The following SPTB variants were observed in gnomAD, a reference collection of about 807,000 sequenced individuals.
The protein encoded by SPTB is spectrin beta, erythrocytic.
Under a neutral mutation model 256.2 loss-of-function variants are expected in SPTB, and 45 were observed. The observed-to-expected ratio is 0.18, with a 90% CI of 0.14 to 0.23. The LOEUF (loss-of-function observed/expected upper bound fraction) is 0.23, where lower values mean the gene tolerates loss of function less well. Ranked by LOEUF, SPTB falls within the 10% of genes least tolerant of loss-of-function variation. The pLI is 1.00. For synonymous variants in SPTB, 1,231 were observed against 1,243.1 expected (o/e 0.99, Z 0.21); for missense variants, 2,715 against 3,040.4 (o/e 0.89, Z 2.52).
At chr14:64,851,012 A>G (rs1240588593) in intron 1 of SPTB, among the ~76,000 whole-genome samples, 1 of 152,170 alleles carries the variant, frequency 6.6e-6, no homozygotes, top group African/African-American at 2.4e-5. Flanking sequence ...ACCTGACACA[A>G]CTTCCCAGGT....
intron 1 of SPTB, among the ~76,000 whole-genome samples, chr14:64,877,545 A>G (rs1469715159): frequency 6.6e-6 from 1 of 152,200 alleles, no homozygotes; most frequent in Non-Finnish European, 1.5e-5. Context: ...GATATGAGCT[A>G]CCTTATAGAG....
intron 15 of SPTB, among the ~76,000 whole-genome samples, chr14:64,789,089 C>A (rs952007144): frequency 3.3e-5 from 5 of 152,136 alleles, no homozygotes; most frequent in Non-Finnish European, 5.9e-5. Flanking sequence ...GTGGCTCACA[C>A]CTGTAAATCA....
At chr14:64,754,166 C>G in intron 32 of SPTB, 1 of 382,336 alleles carries the variant, frequency 2.6e-6, no homozygotes, top group Non-Finnish European at 5.0e-6. Context: ...AAGCTCTGGC[C>G]CCTCCCCTTG....
At chr14:64,761,003 A>C (rs773714200) in intron 32 of SPTB, among the ~76,000 whole-genome samples, 1 of 152,220 alleles carries the variant, frequency 6.6e-6, no homozygotes, top group Non-Finnish European at 1.5e-5. Flanking sequence ...CTTATGCAAA[A>C]CACATGGCTG....
At chr14:64,865,392 C>A (rs180722211) in intron 1 of SPTB, among the ~76,000 whole-genome samples, 6 of 152,066 alleles carry the variant, frequency 3.9e-5, no homozygotes, top group Non-Finnish European at 7.4e-5. Flanking sequence ...GTGACTTCCT[C>A]TGGGTCAGAG....
chr14:64,762,954 C>T (rs1397856090), intron 32 of SPTB, among the ~76,000 whole-genome samples: 1 of 152,248 alleles, frequency 6.6e-6, no homozygotes, highest in African/African-American at 2.4e-5. Flanking sequence ...CACATGGCAT[C>T]ACCGCAGCCC....
intron 1 of SPTB, among the ~76,000 whole-genome samples, chr14:64,835,079 C>T (rs1245634885): frequency 1.3e-5 from 2 of 152,154 alleles, no homozygotes; most frequent in Non-Finnish European, 2.9e-5. Flanking sequence ...GTTGCTTGGG[C>T]CCACAAGGAC....
Position 64,775,547 on chromosome 14 carries a change from CAAT to C in SPTB, c.4564-147_4564-145del. The C allele has an allele frequency of 8.8e-7, 1 of 1,130,996 alleles. No individual in the cohort carries two copies. Among genetic ancestry groups the C allele is most frequent in the South Asian group, 1.6e-5 (1 of 61,850 alleles). The allele number at this position is 1,130,996 out of a possible 1,614,324, so 70.1% of individuals were successfully genotyped here. On this transcript the variant is annotated intron_variant, in intron 22 of 35. Transcript: ENST00000644917. The surrounding 1 kb of genome is among the most constrained non-coding windows in gnomAD (Gnocchi z 5.0). ...AGCAGGTGATGGCGATAAGAACTACCAATGACCTCTTGCGGGCTGCTAAGCACC... is the reference window on the plus strand; with the variant it reads ...AGCAGGTGATGGCGATAAGAACTACCGACCTCTTGCGGGCTGCTAAGCACC...
intron 2 of SPTB, among the ~76,000 whole-genome samples, chr14:64,809,473 G>A (rs1186643136): frequency 2.0e-5 from 3 of 151,770 alleles, no homozygotes; most frequent in Non-Finnish European, 4.4e-5. Flanking sequence ...AGCCTCCCAA[G>A]TAGCTGGGAC....
Position 64,749,343 on chromosome 14 carries a change from T to C in SPTB, c.6950A>G (p.Lys2317Arg). 1 of 1,610,116 alleles carries C rather than the reference T, an allele frequency of 6.2e-7. No individual in the cohort carries two copies. The highest frequency in any genetic ancestry group is 8.5e-7 in the Non-Finnish European group (1 of 1,179,412). The change falls in exon 36 of 36, where the codon AAG becomes AGG. Residue 2317 changes from lysine (K) to arginine (R), a missense_variant. Coordinates refer to ENST00000644917, the MANE Select transcript of SPTB (RefSeq NM_001355436.2). The surrounding 1 kb of genome is among the most constrained non-coding windows in gnomAD (Gnocchi z 4.7). ...GPDASLGKKD[K>R]EKRFSFFPKK... ...GGGGAAGAAGCTGAATCTCTTCTCCTTGTCTTTCTTGCCGAGGCTGGCGTC... is the reference window on the plus strand; with the variant it reads ...GGGGAAGAAGCTGAATCTCTTCTCCCTGTCTTTCTTGCCGAGGCTGGCGTC...
At chr14:64,815,917 C>T (rs1014545832) in intron 2 of SPTB, among the ~76,000 whole-genome samples, 2 of 152,170 alleles carry the variant, frequency 1.3e-5, no homozygotes, top group African/African-American at 4.8e-5. Flanking sequence ...ATCGAGGTCC[C>T]CTAACGATAG....
intron 2 of SPTB, among the ~76,000 whole-genome samples, chr14:64,815,867 G>A (rs1394002277): frequency 6.6e-6 from 1 of 152,182 alleles, no homozygotes; most frequent in Non-Finnish European, 1.5e-5. Flanking sequence ...GGTGTTACAG[G>A]TGAGGATAAA....
At chr14:64,828,073 G>T (rs1454960981) in intron 1 of SPTB, among the ~76,000 whole-genome samples, 1 of 152,166 alleles carries the variant, frequency 6.6e-6, no homozygotes, top group Non-Finnish European at 1.5e-5. Context: ...TATGGTTTGG[G>T]GTGCTTAAAG....
chr14:64,842,154 C>T (rs1177679846), intron 1 of SPTB, among the ~76,000 whole-genome samples: 9 of 152,320 alleles, frequency 5.9e-5, no homozygotes, highest in Admixed American at 5.2e-4. Flanking sequence ...GTGTGCGGGG[C>T]CATGGTGGTG....
chr14:64,769,743 G>A lies in SPTB; in HGVS notation c.5799-15C>T, dbSNP rs906339092. On this transcript the variant is annotated splice_polypyrimidine_tract_variant and intron_variant, in intron 27 of 35. Coordinates refer to ENST00000644917, the MANE Select transcript of SPTB (RefSeq NM_001355436.2). ...AGGAGACATCCCTGGGGGACAGGAG[G>A]ACAAGGGAAGAAGGGAACTCTGGGT... is the stretch of plus-strand genomic sequence containing the variant. 1 of 1,614,104 alleles carries A rather than the reference G, an allele frequency of 6.2e-7. No homozygotes were observed.
chr14:64,784,857 C>T (rs1431050623), intron 18 of SPTB, among the ~76,000 whole-genome samples: 1 of 152,180 alleles, frequency 6.6e-6, no homozygotes, highest in Non-Finnish European at 1.5e-5. Context: ...AGGAGTATGA[C>T]AAGAAAGAAG....
intron 23 of SPTB, among the ~76,000 whole-genome samples, chr14:64,774,818 C>A (rs968972502): frequency 2.0e-5 from 3 of 152,110 alleles, no homozygotes; most frequent in African/African-American, 7.2e-5. Flanking sequence ...TTTGAGAGAC[C>A]CCCACCTGTC....
In SPTB at chr14:64,759,359, A is replaced by G. The variant is rs2082061366; in HGVS notation, c.6346-5566T>C. Among the ~76,000 whole-genome samples the G allele has an allele frequency of 1.3e-5, 2 of 152,228 alleles. No individual in the cohort carries two copies. Among genetic ancestry groups the G allele is most frequent in the Admixed American group, 1.3e-4 (2 of 15,290 alleles). ...GATCAGTCCTGCCTCTTTCTAGGCC[A>G]GATCCATCAAGGACCTCCCAGCTCA... is the stretch of plus-strand genomic sequence containing the variant. On this transcript the variant is annotated intron_variant, in intron 32 of 35. Coordinates refer to ENST00000644917, the MANE Select transcript of SPTB (RefSeq NM_001355436.2). The surrounding 1 kb of genome is among the most constrained non-coding windows in gnomAD (Gnocchi z 4.8).
In SPTB at chr14:64,782,340, C is replaced by A. The variant is rs770206796; in HGVS notation, c.4216G>T (p.Asp1406Tyr). ...ACACTGGTCAGGTCCTTGCCCGGGTCGTCTGACCGCAGCTGGTCCTCCATG... is the reference window on the plus strand; with the variant it reads ...ACACTGGTCAGGTCCTTGCCCGGGTAGTCTGACCGCAGCTGGTCCTCCATG... ...SAMEDQLRSD[D>Y]PGKDLTSVNR... Residue 1406 changes from aspartate to tyrosine, a missense_variant, in exon 20 of 36, where the codon GAC becomes TAC. Physicochemically the swap from Asp to Tyr is radical, Grantham distance 160 (BLOSUM62 -3). Around this residue, in one of 4 missense-constraint regions of SPTB, gnomAD observed 2,239 missense variants for 2,384.4 expected, o/e 0.94. Transcript: ENST00000644917. 1.2e-6 allele frequency: 2 copies of A among 1,614,112 alleles called. No individual in the cohort carries two copies. Among genetic ancestry groups the A allele is most frequent in the Non-Finnish European group, 1.7e-6 (2 of 1,180,058 alleles).
Sources: gnomAD v4.1 joint callset for allele counts (sites outside exome capture counted in the v4.1 genomes callset) on GRCh38, gnomAD v4.1.1 for gene constraint, gnomAD v4.1.1 regional missense constraint, Gnocchi (gnomAD v3.1) non-coding constraint, MANE v1.5 for transcripts, NCBI Gene and HGNC (gene_info 2026-07-23, HGNC 2026-07-21) for gene names.